GALNT15: variants seen among roughly 807,000 people sequenced by gnomAD.
The protein encoded by GALNT15 is UDP-GalNAc transferase T15.
GALNT15 carries 67 observed loss-of-function variants against 66.8 expected under a neutral mutation model. The ratio of observed to expected loss-of-function variants is 1.00; its 90% confidence interval spans 0.82 to 1.23. GALNT15 has a LOEUF of 1.23. Ranked by LOEUF, GALNT15 falls within the 50% of genes most tolerant of loss-of-function variation. The pLI is 0.00. For missense variants in GALNT15, 827 were observed against 804.3 expected, an observed-to-expected ratio of 1.03 and a Z score of -0.34; for synonymous variants, 313 against 311.5, an observed-to-expected ratio of 1.00 and a Z score of -0.05.
chr3:16,240,286 A>G, the GALNT15 span, among the ~76,000 whole-genome samples: 1 of 152,220 alleles, frequency 6.6e-6, no homozygotes, highest in Admixed American at 6.5e-5. Flanking sequence ...AACAATAAAT[A>G]TTTATTAAAT....
intron 6 of GALNT15, among the ~76,000 whole-genome samples, chr3:16,217,142 A>G (rs1463246434): frequency 6.6e-6 from 1 of 152,226 alleles, no homozygotes; most frequent in Non-Finnish European, 1.5e-5. Flanking sequence ...CTAAGAACTC[A>G]GTAACTGTTG....
chr3:16,217,292 T>G (rs2063889567), intron 6 of GALNT15, among the ~76,000 whole-genome samples: 1 of 152,230 alleles, frequency 6.6e-6, no homozygotes, highest in Non-Finnish European at 1.5e-5. Context: ...AGATGTCCAC[T>G]TTGTTCATTT....
chr3:16,231,351 A>G (rs2124913660), downstream of GALNT15, among the ~76,000 whole-genome samples: 1 of 152,142 alleles, frequency 6.6e-6, no homozygotes, highest in East Asian at 1.9e-4. This position sits in a 1 kb window ranked among gnomAD's most constrained non-coding sequence, Gnocchi z 4.1. Flanking sequence ...CCAATCTCAA[A>G]TCTTCTTTCC....
chr3:16,177,011 C>A (rs1233804564), intron 1 of GALNT15, among the ~76,000 whole-genome samples: 2 of 152,168 alleles, frequency 1.3e-5, no homozygotes, highest in Non-Finnish European at 2.9e-5. Context: ...GAAATTCCCA[C>A]CCCATTCTAG....
rs2063624240 is a variant in GALNT15 at position 16,195,656 on chromosome 3, T to C, written c.540-104T>C. The C allele has an allele frequency of 2.0e-6, 2 of 993,508 alleles. No individual in the cohort carries two copies. The highest frequency in any genetic ancestry group is 4.6e-5 in the Admixed American group (2 of 43,182). 61.5% of individuals were successfully genotyped at this position (993,508 alleles called of 1,614,324 possible). A position where few individuals can be genotyped will look rare whatever the true frequency, so the allele number is the denominator to read the frequency against. On this transcript the variant is annotated intron_variant, in intron 1 of 9. Transcript: ENST00000339732. This position sits in a 1 kb window ranked among gnomAD's most constrained non-coding sequence, Gnocchi z 4.6. ...TAAGAGATCCCATAGGACAGCCATA[T>C]AATGGGGGCAGCTCCAGCCAGAGCA...
chr3:16,184,065 C>A lies in GALNT15; in HGVS notation c.539+8375C>A, dbSNP rs935285286. 3.3e-5 allele frequency among the ~76,000 whole-genome samples: 5 copies of A among 152,120 alleles called. No individual in the cohort carries two copies. Among genetic ancestry groups the A allele is most frequent in the African/African-American group, 1.2e-4 (5 of 41,406 alleles). On this transcript the variant is annotated intron_variant, in intron 1 of 9. Transcript: ENST00000339732. This position sits in a 1 kb window ranked among gnomAD's most constrained non-coding sequence, Gnocchi z 5.0. ...CTGGGCTGGAGAAAGGTATCAACAT[C>A]CCTGTGTTGGCTAATTAGGGATTAA...
chr3:16,211,226 C>T lies in GALNT15; in HGVS notation c.1182C>T (p.Leu394=), dbSNP rs569731884. The change falls in exon 5 of 10, where the codon CTC becomes CTT. Residue 394 remains leucine (L), a synonymous_variant. Transcript: ENST00000339732. The surrounding 1 kb of genome is among the most constrained non-coding windows in gnomAD (Gnocchi z 4.3). ...SLMSLRGGEN[L]ELSFKAWLCG... Reference sequence around the variant, plus strand: ...TGTCGCTGCGAGGTGGTGAAAACCTCGAACTGTCTTTCAAGGTATGTCCTG... The same window carrying T: ...TGTCGCTGCGAGGTGGTGAAAACCTTGAACTGTCTTTCAAGGTATGTCCTG... 24 of 1,610,108 alleles carry T rather than the reference C, an allele frequency of 1.5e-5. No homozygotes were observed. Among genetic ancestry groups the T allele is most frequent in the African/African-American group, 5.3e-5 (4 of 74,924 alleles).
At position 16,175,509 on chromosome 3, in the gene GALNT15, A is replaced by G. The variant is rs767754560; in HGVS notation, c.358A>G (p.Ile120Val). 6.2e-7 allele frequency: 1 copy of G among 1,613,988 alleles called. No homozygotes were observed. Among genetic ancestry groups the G allele is most frequent in the South Asian group, 1.1e-5 (1 of 91,076 alleles). ...CAGGAGAGGTGGGAGCTACCGCCTC[A>G]TCAAGCAGCCAAGGAGGCAGGATAA... ...QGRRGGSYRL[I>V]KQPRRQDKEA... is the part of the protein sequence containing the mutation. Residue 120 changes from isoleucine (I) to valine (V), a missense_variant, in exon 1 of 10, where the codon ATC becomes GTC. Transcript: ENST00000339732. The surrounding 1 kb of genome is among the most constrained non-coding windows in gnomAD (Gnocchi z 5.6).
chr3:16,245,989 G>A, the GALNT15 span, among the ~76,000 whole-genome samples: 2 of 152,194 alleles, frequency 1.3e-5, no homozygotes, highest in Admixed American at 6.5e-5. Context: ...AAAAAGAGGA[G>A]GTGGGATGGG....
At chr3:16,236,564 A>G (rs1289327130), downstream of GALNT15, among the ~76,000 whole-genome samples, 2 of 152,384 alleles carry the variant, frequency 1.3e-5, no homozygotes, top group East Asian at 3.9e-4. Context: ...CTTAAAAATA[A>G]ACAGAGAAAT....
chr3:16,223,179 A>G (rs1203591420), intron 9 of GALNT15, among the ~76,000 whole-genome samples: 1 of 152,192 alleles, frequency 6.6e-6, no homozygotes, highest in Non-Finnish European at 1.5e-5. Context: ...ATATATAGAT[A>G]TATAGATATC....
intron 1 of GALNT15, among the ~76,000 whole-genome samples, chr3:16,177,288 C>G (rs566255987): frequency 6.6e-6 from 1 of 151,960 alleles, no homozygotes; most frequent in African/African-American, 2.4e-5. Flanking sequence ...CTCTTTTTGC[C>G]GATAAGAAAT....
Position 16,175,060 on chromosome 3 carries a change from G to A in GALNT15, c.-92G>A. 2 of 1,294,262 alleles carry A rather than the reference G, an allele frequency of 1.5e-6. No homozygotes were observed. The highest frequency in any genetic ancestry group is 2.2e-5 in the Admixed American group (1 of 44,764). The allele number at this position is 1,294,262 out of a possible 1,614,324, so 80.2% of individuals were successfully genotyped here. Reference sequence around the variant, plus strand: ...GCAGAAAAACTTCCAGGTGGAACAAGCAACCCAGGTTCTGCTGCAAGCTTG... The same window carrying A: ...GCAGAAAAACTTCCAGGTGGAACAAACAACCCAGGTTCTGCTGCAAGCTTG... On this transcript the variant is annotated 5_prime_UTR_variant, in exon 1 of 10. Coordinates refer to ENST00000339732, the MANE Select transcript of GALNT15 (RefSeq NM_054110.5). This position sits in a 1 kb window ranked among gnomAD's most constrained non-coding sequence, Gnocchi z 5.6.
chr3:16,186,991 C>A lies in GALNT15; in HGVS notation c.540-8769C>A, dbSNP rs752786737. Among the ~76,000 whole-genome samples, 1 of 152,118 alleles carries A rather than the reference C, an allele frequency of 6.6e-6. No homozygotes were observed. ...AAAACATTAGTGATTTCAGGCCGGG[C>A]GTGGTGGCTCACTCCTGTAATCCCA... On this transcript the variant is annotated intron_variant, in intron 1 of 9. Coordinates refer to ENST00000339732, the MANE Select transcript of GALNT15 (RefSeq NM_054110.5). This position sits in a 1 kb window ranked among gnomAD's most constrained non-coding sequence, Gnocchi z 5.1.
In GALNT15 at chr3:16,224,132, A is replaced by G. The variant is rs1159163898; in HGVS notation, c.1773+1374A>G. 2.6e-5 allele frequency among the ~76,000 whole-genome samples: 4 copies of G among 152,242 alleles called. No homozygotes were observed. The highest frequency in any genetic ancestry group is 4.4e-5 in the Non-Finnish European group (3 of 68,048). On this transcript the variant is annotated intron_variant, in intron 9 of 9. Transcript: ENST00000339732. This position sits in a 1 kb window ranked among gnomAD's most constrained non-coding sequence, Gnocchi z 5.2. Reference sequence around the variant, plus strand: ...TAAAATAAGTAATAATGAGTAAAAGATTAGGGAGTAAGATACACCCAGCAT... The same window carrying G: ...TAAAATAAGTAATAATGAGTAAAAGGTTAGGGAGTAAGATACACCCAGCAT...
chr3:16,239,020 T>C, the GALNT15 span, among the ~76,000 whole-genome samples: 6 of 152,314 alleles, frequency 3.9e-5, no homozygotes, highest in African/African-American at 7.2e-5. The surrounding 1 kb of genome is among the most constrained non-coding windows in gnomAD (Gnocchi z 5.2). Context: ...CTTTTGATCC[T>C]GGTTTCTGTC....
chr3:16,178,338 A>C (rs2063433024), intron 1 of GALNT15, among the ~76,000 whole-genome samples: 1 of 152,204 alleles, frequency 6.6e-6, no homozygotes, highest in African/African-American at 2.4e-5. Flanking sequence ...TTCCAGCCAG[A>C]GTAACCAACT....
intron 9 of GALNT15, 63 bp downstream of exon 9, chr3:16,222,821 A>T (rs980513533): frequency 6.3e-7 from 1 of 1,582,380 alleles, no homozygotes. Flanking sequence ...GCTGGTTGGC[A>T]TTGGATCCTG....
rs143296803 is a variant in GALNT15 at position 16,175,423 on chromosome 3, G to C, written c.272G>C (p.Arg91Pro). 8.1e-6 allele frequency: 13 copies of C among 1,614,174 alleles called. No homozygotes were observed. The African/African-American group carries it at 1.5e-4, about 18-fold the overall frequency. The stretch of plus-strand genomic sequence containing the variant: ...GGCCTGCCACCCTTTATCTCACTGC[G>C]GGAGGATCAGCTGCTGGTGGCCGTG... Reference protein sequence around the residue: ...LEGLPPFISLREDQLLVAVAL... With the variant: ...LEGLPPFISLPEDQLLVAVAL... Residue 91 changes from arginine (R) to proline (P), a missense_variant, in exon 1 of 10, where the codon CGG becomes CCG. Physicochemically the swap from Arg to Pro is moderately radical, Grantham distance 103. Coordinates refer to ENST00000339732, the MANE Select transcript of GALNT15 (RefSeq NM_054110.5). This position sits in a 1 kb window ranked among gnomAD's most constrained non-coding sequence, Gnocchi z 5.6.
Sources: allele counts gnomAD v4.1 joint callset (sites outside exome capture counted in the v4.1 genomes callset), GRCh38; gene constraint gnomAD v4.1.1; non-coding constraint Gnocchi (gnomAD v3.1); transcripts MANE v1.5; gene names NCBI Gene and HGNC (gene_info 2026-07-23, HGNC 2026-07-21).